Variants in LRRC7 observed in about 807,000 individuals in gnomAD.
LRRC7 encodes leucine rich repeat containing 7, also known as leucine-rich repeat-containing protein 7.
A neutral mutation model predicts 175.7 loss-of-function variants in LRRC7; 23 were observed. The observed-to-expected ratio is 0.13, with a 90% CI of 0.09 to 0.19. The LOEUF (loss-of-function observed/expected upper bound fraction) is 0.19, where lower values mean the gene tolerates loss of function less well. Ranked by LOEUF, LRRC7 falls within the 10% of genes least tolerant of loss-of-function variation. LRRC7 has a pLI of 1.00. For missense variants in LRRC7, 1,354 were observed against 1,904.7 expected (o/e 0.71, Z 5.38); for synonymous variants, 685 against 680.9 (o/e 1.01, Z -0.09).
At chr1:70,075,997 G>T in intron 23 of LRRC7, 80 bp from the exon 24 acceptor site, 2 of 1,450,876 alleles carry the variant, frequency 1.4e-6, no homozygotes, top group South Asian at 1.2e-5. Flanking sequence ...TACCAGAGAG[G>T]TATTCTGTAC....
intron 7 of LRRC7, among the ~76,000 whole-genome samples, chr1:69,927,600 C>T (rs903322634): frequency 4.6e-5 from 7 of 152,182 alleles, no homozygotes; most frequent in African/African-American, 1.4e-4. Flanking sequence ...TTGATTGCAT[C>T]GGCTCTTGAG....
At chr1:70,107,852 C>T (rs764975867) in intron 26 of LRRC7, 26 bp downstream of exon 26, 20 of 1,549,048 alleles carry the variant, frequency 1.3e-5, no homozygotes, top group Admixed American at 1.7e-5. Flanking sequence ...GAAATGCATG[C>T]AAATGCCATA....
At chr1:69,597,215 A>G (rs1477646787) in intron 1 of LRRC7, among the ~76,000 whole-genome samples, 1 of 152,102 alleles carries the variant, frequency 6.6e-6, no homozygotes, top group Non-Finnish European at 1.5e-5. Flanking sequence ...GTCTATATTC[A>G]TGGAGGGGAG....
At chr1:69,601,012 C>T (rs565976789) in intron 1 of LRRC7, among the ~76,000 whole-genome samples, 99 of 152,026 alleles carry the variant, frequency 6.5e-4, no homozygotes, top group Non-Finnish European at 1.2e-3. Context: ...GACGGGGTTT[C>T]GCCATGCTGG....
intron 15 of LRRC7, among the ~76,000 whole-genome samples, chr1:70,019,360 T>C (rs1657245804): frequency 6.6e-6 from 1 of 152,018 alleles, no homozygotes; most frequent in South Asian, 2.1e-4. Flanking sequence ...TTTTCAATAA[T>C]TAAATCTTCT....
intron 2 of LRRC7, among the ~76,000 whole-genome samples, chr1:69,738,184 A>T (rs368926483): frequency 6.6e-6 from 1 of 152,184 alleles, no homozygotes; most frequent in East Asian, 1.9e-4. Context: ...CCGAGTTCTA[A>T]TAAGTAATAT....
intron 2 of LRRC7, among the ~76,000 whole-genome samples, chr1:69,686,741 T>G (rs936990884): frequency 2.6e-5 from 4 of 152,094 alleles, no homozygotes; most frequent in African/African-American, 9.7e-5. Flanking sequence ...GTATTAGACT[T>G]AAGTCCTAAT....
At chr1:69,982,535 A>C (rs1280735401) in intron 9 of LRRC7, among the ~76,000 whole-genome samples, 1 of 152,240 alleles carries the variant, frequency 6.6e-6, no homozygotes, top group Non-Finnish European at 1.5e-5. Context: ...CATGTATCAT[A>C]ATAAAGTTAA....
chr1:69,671,518 G>A (rs2100574957), intron 1 of LRRC7, among the ~76,000 whole-genome samples: 1 of 152,216 alleles, frequency 6.6e-6, no homozygotes, highest in East Asian at 1.9e-4. Flanking sequence ...ATCTCAGTAG[G>A]TCACATATGC....
intron 3 of LRRC7, among the ~76,000 whole-genome samples, chr1:69,787,036 TAC>T: frequency 6.6e-6 from 1 of 151,946 alleles, no homozygotes; most frequent in Non-Finnish European, 1.5e-5. Context: ...ACAATGGGAG[TAC>T]AGGCACTGGG....
intron 1 of LRRC7, among the ~76,000 whole-genome samples, chr1:69,625,607 T>C (rs538660869): frequency 1.3e-5 from 2 of 152,154 alleles, no homozygotes; most frequent in Admixed American, 6.5e-5. Context: ...TATTCATTTA[T>C]AGCTATAAAC....
intron 8 of LRRC7, among the ~76,000 whole-genome samples, chr1:69,955,743 AT>A (rs1203959530): frequency 7.9e-5 from 12 of 151,756 alleles, no homozygotes; most frequent in Admixed American, 7.9e-4. Flanking sequence ...AATCCAAGCA[AT>A]TTTTTTTCAG....
At chr1:69,577,062 C>G (rs879516779) in intron 1 of LRRC7, among the ~76,000 whole-genome samples, 2 of 152,070 alleles carry the variant, frequency 1.3e-5, no homozygotes, top group Non-Finnish European at 2.9e-5. Flanking sequence ...AGATTTGCTT[C>G]CTGCAGACAA....
chr1:69,661,796 C>T (rs1657513606), intron 1 of LRRC7, among the ~76,000 whole-genome samples: 1 of 152,126 alleles, frequency 6.6e-6, no homozygotes, highest in Non-Finnish European at 1.5e-5. Context: ...TATATTTAGA[C>T]ATTTATGAAC....
intron 7 of LRRC7, among the ~76,000 whole-genome samples, chr1:69,909,487 A>G (rs940533071): frequency 6.6e-6 from 1 of 152,074 alleles, no homozygotes; most frequent in Non-Finnish European, 1.5e-5. Context: ...ATCTGCCAGC[A>G]TTTGCTTGTC....
At chr1:69,913,344 A>G (rs1366300236) in intron 7 of LRRC7, among the ~76,000 whole-genome samples, 3 of 152,196 alleles carry the variant, frequency 2.0e-5, no homozygotes, top group Non-Finnish European at 4.4e-5. Context: ...AAAAGTACAA[A>G]CAATCACAGC....
Position 70,038,529 on chromosome 1 carries a change from C to T in LRRC7, c.2705C>T (p.Thr902Ile), listed in dbSNP as rs1176308156. 6.2e-7 allele frequency: 1 copy of T among 1,613,950 alleles called. No homozygotes were observed. Among genetic ancestry groups the T allele is most frequent in the Non-Finnish European group, 8.5e-7 (1 of 1,179,988 alleles). The change falls in exon 21 of 27, where the codon ACA (threonine) becomes ATA (isoleucine). Residue 902 changes from threonine (T) to isoleucine (I), a missense_variant. Physicochemically the swap from Thr to Ile is moderately conservative, Grantham distance 89. This residue lies in a region of LRRC7 where 1,032 missense variants were observed against 1,227.2 expected (regional missense o/e 0.84). Transcript: ENST00000651989. ...DRTAFPSKLETTPTTSPLPER... is the reference protein window; with the variant it reads ...DRTAFPSKLEITPTTSPLPER... ...ACCGCTTTTCCTTCCAAATTAGAGA[C>T]AACCCCCACTACCAGCCCATTGCCT... is the stretch of plus-strand genomic sequence containing the variant.
chr1:69,971,337 C>A (rs1218381408), intron 8 of LRRC7, among the ~76,000 whole-genome samples: 1 of 152,022 alleles, frequency 6.6e-6, no homozygotes, highest in East Asian at 1.9e-4. Context: ...GTCAAACTGT[C>A]GCTGCTCTCT....
chr1:69,626,996 CA>C (rs1570030326), intron 1 of LRRC7, among the ~76,000 whole-genome samples: 1 of 151,974 alleles, frequency 6.6e-6, no homozygotes, highest in East Asian at 1.9e-4. Context: ...GGGTTGGTTC[CA>C]AGTCTTTGCT....
Sources: allele counts gnomAD v4.1 joint callset (sites outside exome capture counted in the v4.1 genomes callset), GRCh38; gene constraint gnomAD v4.1.1; regional missense constraint gnomAD v4.1.1; transcripts MANE v1.5; gene names NCBI Gene and HGNC (gene_info 2026-07-23, HGNC 2026-07-21).